ASIC2: variants seen among roughly 807,000 people sequenced by gnomAD.
The protein encoded by ASIC2 is acid sensing ion channel subunit 2, also known as acid-sensing ion channel 2.
Under a neutral mutation model 57.3 loss-of-function variants are expected in ASIC2, and 25 were observed. That is an observed-to-expected ratio of 0.44 (90% CI 0.32 to 0.61). The LOEUF (loss-of-function observed/expected upper bound fraction) is 0.61, where lower values mean the gene tolerates loss of function less well. Ranked by LOEUF, ASIC2 falls within the 20% of genes least tolerant of loss-of-function variation. ASIC2 has a pLI of 0.06. For missense variants in ASIC2, 641 were observed against 738.1 expected (o/e 0.87, Z 1.52); for synonymous variants, 319 against 307.5 (o/e 1.04, Z -0.39).
At chr17:33,825,526 A>G (rs1912879548) in intron 1 of ASIC2, among the ~76,000 whole-genome samples, 1 of 152,168 alleles carries the variant, frequency 6.6e-6, no homozygotes, top group South Asian at 2.1e-4. Context: ...TGCGCATTCC[A>G]CAGCATTTCT....
In ASIC2 at chr17:33,023,968, G is replaced by C; in HGVS notation, c.1242C>G (p.Pro414=). The change falls in exon 6 of 10, where the codon CCC becomes CCG. Residue 414 remains proline, a synonymous_variant. Coordinates refer to ENST00000225823, the MANE Select transcript of ASIC2 (RefSeq NM_183377.2). ...KDSNYCLCRT[P]CNLTRYNKEL... ...CTTTGTTGTAGCGGGTTAGGTTGCA[G>C]GGTGTCCTGCAGAGACAGTAATTGC... 6.2e-7 allele frequency: 1 copy of C among 1,614,232 alleles called. No individual in the cohort carries two copies. The highest frequency in any genetic ancestry group is 8.5e-7 in the Non-Finnish European group (1 of 1,180,042).
chr17:33,696,769 G>A (rs1348497665), intron 1 of ASIC2, among the ~76,000 whole-genome samples: 2 of 152,168 alleles, frequency 1.3e-5, no homozygotes, highest in South Asian at 2.1e-4. Flanking sequence ...TACATGTATT[G>A]TATACTGTAT....
At chr17:33,584,366 G>A (rs1904544343) in intron 1 of ASIC2, among the ~76,000 whole-genome samples, 1 of 152,180 alleles carries the variant, frequency 6.6e-6, no homozygotes. Flanking sequence ...TGGCTAACAA[G>A]AGAATGAATG....
intron 1 of ASIC2, among the ~76,000 whole-genome samples, chr17:33,556,439 T>A (rs984204044): frequency 7.2e-5 from 11 of 152,244 alleles, no homozygotes; most frequent in African/African-American, 1.9e-4. Context: ...ATGTTACAGT[T>A]GATTTCTTTC....
intron 1 of ASIC2, among the ~76,000 whole-genome samples, chr17:34,118,127 G>A (rs1349364052): frequency 6.6e-6 from 1 of 152,144 alleles, no homozygotes; most frequent in Non-Finnish European, 1.5e-5. Flanking sequence ...AGGCAGCCAT[G>A]GGTTTAAATC....
In ASIC2 at chr17:33,024,037, G is replaced by T. The variant is rs780954171; in HGVS notation, c.1196-23C>A. Reference sequence around the variant, plus strand: ...GACCTGGAGGGGAGAGTGAGGTGGGGCTTAGTCAGGTGTGGGCACTGGGAT... The same window carrying T: ...GACCTGGAGGGGAGAGTGAGGTGGGTCTTAGTCAGGTGTGGGCACTGGGAT... On this transcript the variant is annotated intron_variant, in intron 5 of 9. Transcript: ENST00000225823. The T allele has an allele frequency of 1.9e-6, 3 of 1,613,802 alleles. No individual in the cohort carries two copies. In the South Asian group the frequency reaches 3.3e-5, roughly 18 times the overall value.
At chr17:33,448,908 A>G (rs1249275493) in intron 1 of ASIC2, among the ~76,000 whole-genome samples, 1 of 152,178 alleles carries the variant, frequency 6.6e-6, no homozygotes, top group African/African-American at 2.4e-5. Context: ...GAACCTAGTC[A>G]AAAGAACACA....
rs58392305 is a variant in ASIC2, at chr17:33,754,957, C to CAAAAAAA, written c.555+401014_555+401020dup. ...TGGGCAACAGAGCGAGACTCCATCT[C>CAAAAAAA]AAAAAAAAAAAAAAAAAAAAAAGAA... On this transcript the variant is annotated intron_variant, in intron 1 of 9. Coordinates refer to the ASIC2 transcript ENST00000359872. 1.9e-4 allele frequency among the ~76,000 whole-genome samples: 11 copies of CAAAAAAA among 57,926 alleles called. 1 individual carries two copies. Among genetic ancestry groups the CAAAAAAA allele is most frequent in the Admixed American group, 7.7e-4 (3 of 3,918 alleles). The allele number at this position is 57,926 out of a possible 152,430, so 38.0% of individuals were successfully genotyped here.
At chr17:34,058,379 A>T (rs1358079802) in intron 1 of ASIC2, among the ~76,000 whole-genome samples, 1 of 152,210 alleles carries the variant, frequency 6.6e-6, no homozygotes, top group Non-Finnish European at 1.5e-5. Context: ...ATAGATGAAG[A>T]AACAGCCTGG....
chr17:33,608,700 A>T (rs1905298850), intron 1 of ASIC2, among the ~76,000 whole-genome samples: 1 of 152,146 alleles, frequency 6.6e-6, no homozygotes, highest in South Asian at 2.1e-4. Context: ...CAAAGATTTG[A>T]GGAAGAGGAG....
intron 1 of ASIC2, among the ~76,000 whole-genome samples, chr17:33,754,201 G>C (rs1390401087): frequency 2.6e-5 from 4 of 151,972 alleles, no homozygotes; most frequent in Non-Finnish European, 4.4e-5. Flanking sequence ...TCTCACCTTT[G>C]AGAATCAACT....
chr17:33,823,966 T>C (rs75372608), intron 1 of ASIC2, among the ~76,000 whole-genome samples: 2,109 of 152,276 alleles, frequency 0.014, 29 homozygotes, highest in Non-Finnish European at 0.02. Flanking sequence ...CATAACCAGC[T>C]GCAGGGGGCT....
intron 3 of ASIC2, among the ~76,000 whole-genome samples, chr17:33,084,022 G>C (rs2092124551): frequency 6.6e-6 from 1 of 152,110 alleles, no homozygotes; most frequent in South Asian, 2.1e-4. Flanking sequence ...CCAGAGCTGG[G>C]GAGAGGGTTT....
chr17:33,232,271 A>T (rs989423217), intron 1 of ASIC2, among the ~76,000 whole-genome samples: 5 of 152,234 alleles, frequency 3.3e-5, no homozygotes, highest in African/African-American at 9.6e-5. Flanking sequence ...AGCCAGGAGA[A>T]GAGCCCTCAC....
intron 2 of ASIC2, among the ~76,000 whole-genome samples, chr17:33,096,140 C>G (rs1222320150): frequency 6.6e-6 from 1 of 152,236 alleles, no homozygotes; most frequent in Non-Finnish European, 1.5e-5. Context: ...GAGAAACTCT[C>G]TCTGAAATAC....
intron 9 of ASIC2, among the ~76,000 whole-genome samples, chr17:33,014,958 C>T (rs1279714037): frequency 6.6e-6 from 1 of 152,148 alleles, no homozygotes; most frequent in African/African-American, 2.4e-5. Flanking sequence ...ATGTAACTTG[C>T]CCCCAGGCAC....
In ASIC2 at chr17:33,379,148, C is replaced by T. The variant is rs141539223; in HGVS notation, c.556-267081G>A. Among the ~76,000 whole-genome samples, 33 of 152,238 alleles carry T rather than the reference C, an allele frequency of 2.2e-4. No homozygotes were observed. The East Asian group carries it at 4.4e-3, about 20-fold the overall frequency. ...AAGGACACATAGTTGGTGGCTTTCA[C>T]GGGTAGTGATGGTGATGGTTTTAGG... is the stretch of plus-strand genomic sequence containing the variant. On this transcript the variant is annotated intron_variant, in intron 1 of 9. Coordinates refer to the ASIC2 transcript ENST00000359872.
intron 1 of ASIC2, among the ~76,000 whole-genome samples, chr17:33,235,939 C>A (rs544245050): frequency 6.6e-6 from 1 of 151,838 alleles, no homozygotes; most frequent in Non-Finnish European, 1.5e-5. Context: ...CGGGTTCAAG[C>A]GATTCTCCTG....
chr17:33,257,549 G>A (rs1194177961), intron 1 of ASIC2, among the ~76,000 whole-genome samples: 1 of 152,222 alleles, frequency 6.6e-6, no homozygotes. Context: ...CAAGAGCCCA[G>A]AGTGGCAAAC....
Sources: gnomAD v4.1 joint callset for allele counts (sites outside exome capture counted in the v4.1 genomes callset) on GRCh38, gnomAD v4.1.1 for gene constraint, MANE v1.5 for transcripts, NCBI Gene and HGNC (gene_info 2026-07-23, HGNC 2026-07-21) for gene names.